NEDD1: variants seen among roughly 807,000 people sequenced by gnomAD.
NEDD1 encodes the protein protein NEDD1.
Under a neutral mutation model 74.0 loss-of-function variants are expected in NEDD1, and 33 were observed. That is an observed-to-expected ratio of 0.45 (90% CI 0.34 to 0.60). NEDD1 has a LOEUF of 0.60. NEDD1 is among the 20% of genes least tolerant of loss of function. The pLI is 0.01. For synonymous variants in NEDD1, 250 were observed against 264.4 expected, an observed-to-expected ratio of 0.95 and a Z score of 0.53; for missense variants, 746 against 776.5, an observed-to-expected ratio of 0.96 and a Z score of 0.47.
At chr12:96,922,645 T>A (rs1875228822) in intron 6 of NEDD1, among the ~76,000 whole-genome samples, 1 of 152,202 alleles carries the variant, frequency 6.6e-6, no homozygotes, top group South Asian at 2.1e-4. Flanking sequence ...TTAAAACAAT[T>A]GAGGTGTAAC....
chr12:96,912,771 C>T lies in NEDD1; in HGVS notation c.185C>T (p.Ser62Leu). 1 of 1,609,648 alleles carries T rather than the reference C, an allele frequency of 6.2e-7. No individual in the cohort carries two copies. ...ASSSGDKIVV[S>L]SCKCKPVPLL... ...TCCAGTGGCGACAAAATAGTTGTCT[C>T]AAGTTGCAAATGTAAACCTGTTCCA... Residue 62 changes from serine (S) to leucine (L), a missense_variant, in exon 4 of 16, where the codon TCA becomes TTA. Transcript: ENST00000266742.
chr12:96,911,112 A>G (rs1056052688), intron 3 of NEDD1, among the ~76,000 whole-genome samples: 6 of 152,228 alleles, frequency 3.9e-5, no homozygotes, highest in Non-Finnish European at 8.8e-5. Context: ...TTTTTGAAGG[A>G]CTTTCCAGAT....
At chr12:96,930,092 G>A (rs1206135712) in intron 6 of NEDD1, among the ~76,000 whole-genome samples, 1 of 149,264 alleles carries the variant, frequency 6.7e-6, no homozygotes, top group Non-Finnish European at 1.5e-5. Context: ...TCATCATCTA[G>A]TTTGTTGTAA....
intron 6 of NEDD1, among the ~76,000 whole-genome samples, chr12:96,929,623 A>ATATTT (rs773021014): frequency 0.011 from 1,432 of 126,184 alleles, 20 homozygotes; most frequent in Middle Eastern, 0.032. Flanking sequence ...ATATATATAT[A>ATATTT]TTTTTTTTTT....
At chr12:96,940,725 G>A (rs1877583248) in intron 10 of NEDD1, among the ~76,000 whole-genome samples, 188 bp downstream of exon 10, 1 of 151,906 alleles carries the variant, frequency 6.6e-6, no homozygotes, top group Non-Finnish European at 1.5e-5. Flanking sequence ...ATATATGCTG[G>A]TAATTTTCAC....
chr12:96,939,627 T>C (rs1877467978), intron 9 of NEDD1, among the ~76,000 whole-genome samples: 1 of 152,006 alleles, frequency 6.6e-6, no homozygotes, highest in African/African-American at 2.4e-5. Flanking sequence ...CAGACTTTAA[T>C]CAAAATTTTT....
chr12:96,946,508 GT>G (rs569316546), intron 14 of NEDD1, among the ~76,000 whole-genome samples: 12 of 152,104 alleles, frequency 7.9e-5, no homozygotes, highest in Non-Finnish European at 1.5e-5. Flanking sequence ...AAAATGTGCA[GT>G]TTTTGTTGGT....
At position 96,940,526 on chromosome 12, in the gene NEDD1, C is replaced by T; in HGVS notation, c.1235C>T (p.Pro412Leu). Residue 412 changes from proline (P) to leucine (L), a missense_variant, in exon 10 of 16, where the codon CCT becomes CTT. By Grantham distance (98) the Pro-to-Leu change is moderately conservative. This residue lies in a region of NEDD1 where 706 missense variants were observed against 706.7 expected (regional missense o/e 1.00). Transcript: ENST00000266742. ...AGTAGTTTAGGTGACATGTTCTCACCTATCAGAGATGGTAAGTCTGTTCAG... is the reference window on the plus strand; with the variant it reads ...AGTAGTTTAGGTGACATGTTCTCACTTATCAGAGATGGTAAGTCTGTTCAG... ...GKSSLGDMFSPIRDDAVVNKG... is the reference protein window; with the variant it reads ...GKSSLGDMFSLIRDDAVVNKG... 1.2e-6 allele frequency: 2 copies of T among 1,604,072 alleles called. No individual in the cohort carries two copies. Among genetic ancestry groups the T allele is most frequent in the Non-Finnish European group, 1.7e-6 (2 of 1,172,700 alleles).
intron 6 of NEDD1, among the ~76,000 whole-genome samples, chr12:96,932,463 A>AAATATATATATAT: frequency 1.1e-4 from 1 of 9,436 alleles, no homozygotes; most frequent in African/African-American, 3.4e-4. Context: ...AAAAAAAAAA[A>AAATATATATATAT]ATATATATAT....
chr12:96,951,586 GTTGTT>G (rs1878707669), intron 15 of NEDD1, 88 bp downstream of exon 15: 5 of 701,920 alleles, frequency 7.1e-6, no homozygotes, highest in Non-Finnish European at 7.2e-6. Flanking sequence ...ATATATTTTA[GTTGTT>G]TTGTTTAGTT....
intron 15 of NEDD1, 25 bp from the exon 16 acceptor site, chr12:96,951,924 A>G (rs1565818191): frequency 1.6e-6 from 2 of 1,225,996 alleles, no homozygotes; most frequent in Non-Finnish European, 1.2e-6. Context: ...TCAATAATTT[A>G]AAAAGCATTT....
chr12:96,920,135 G>A lies in NEDD1; in HGVS notation c.489+10G>A, dbSNP rs750998383. On this transcript the variant is annotated intron_variant, in intron 6 of 15. Coordinates refer to ENST00000266742, the MANE Select transcript of NEDD1 (RefSeq NM_152905.4). ...CCATGGTAGTAACCAGGTACAGTAT[G>A]AGTTTATTCAGAGTAAAATTGGTAA... The A allele has an allele frequency of 3.3e-6, 5 of 1,517,164 alleles. No individual in the cohort carries two copies. The highest frequency in any genetic ancestry group is 2.0e-5 in the Admixed American group (1 of 51,126). The allele number at this position is 1,517,164 out of a possible 1,614,324, so 94.0% of individuals were successfully genotyped here.
At chr12:96,932,459 AAAAAATATATAT>A (rs1386081567) in intron 6 of NEDD1, among the ~76,000 whole-genome samples, 2 of 12,086 alleles carry the variant, frequency 1.7e-4, no homozygotes, top group African/African-American at 2.3e-4. Flanking sequence ...AAAAAAAAAA[AAAAAATATATAT>A]ATATATATAT....
chr12:96,928,687 T>G (rs900682674), intron 6 of NEDD1, among the ~76,000 whole-genome samples: 1 of 143,832 alleles, frequency 7.0e-6, no homozygotes, highest in Non-Finnish European at 1.5e-5. Context: ...GTTTCTTTTT[T>G]TTTTTTTTTT....
intron 6 of NEDD1, among the ~76,000 whole-genome samples, chr12:96,920,587 C>T (rs547824668): frequency 5.3e-5 from 8 of 152,058 alleles, no homozygotes; most frequent in East Asian, 1.9e-4. Flanking sequence ...GATAAAGTAT[C>T]GAAGCTTATA....
chr12:96,938,820 TTCTC>T (rs917668425), intron 9 of NEDD1, among the ~76,000 whole-genome samples: 2 of 112,056 alleles, frequency 1.8e-5, no homozygotes, highest in Admixed American at 8.8e-5. Context: ...CTGTCTCTCA[TTCTC>T]TCTCTCTCTC....
chr12:96,934,518 C>T (rs74618322), intron 6 of NEDD1, among the ~76,000 whole-genome samples: 5 of 147,064 alleles, frequency 3.4e-5, no homozygotes, highest in African/African-American at 1.0e-4. Context: ...TTTTTTAAGA[C>T]AGAGTTGGGT....
chr12:96,911,153 G>C (rs764795481), intron 3 of NEDD1, among the ~76,000 whole-genome samples: 1 of 152,154 alleles, frequency 6.6e-6, no homozygotes, highest in Non-Finnish European at 1.5e-5. Flanking sequence ...TAAAGAGAGC[G>C]ACAAGTATAT....
At chr12:96,910,005 T>C in intron 3 of NEDD1, 110 bp downstream of exon 3, 1 of 1,138,424 alleles carries the variant, frequency 8.8e-7, no homozygotes, top group Non-Finnish European at 1.2e-6. Context: ...GTAATGTGTT[T>C]TGCATTGCTA....
Sources: gnomAD v4.1 joint callset for allele counts (sites outside exome capture counted in the v4.1 genomes callset) on GRCh38, gnomAD v4.1.1 for gene constraint, gnomAD v4.1.1 regional missense constraint, MANE v1.5 for transcripts, NCBI Gene and HGNC (gene_info 2026-07-23, HGNC 2026-07-21) for gene names.